Variants in DCC observed in about 807,000 individuals in gnomAD.
The protein encoded by DCC is netrin receptor DCC.
DCC carries 58 observed loss-of-function variants against 172.5 expected under a neutral mutation model. The ratio of observed to expected loss-of-function variants is 0.34; its 90% CI spans 0.27 to 0.42. The LOEUF (loss-of-function observed/expected upper bound fraction) is 0.42, where lower values mean the gene tolerates loss of function less well. Among genes scored for constraint, DCC ranks in the 10% least tolerant of loss-of-function variants. DCC has a pLI of 1.00. For missense variants in DCC, 1,740 were observed against 1,791.0 expected (o/e 0.97, Z 0.51); for synonymous variants, 709 against 644.5 (o/e 1.10, Z -1.52).
rs181518973 is a variant in DCC at position 53,131,876 on chromosome 18, T to C, written c.1262-25480T>C. On this transcript the variant is annotated intron_variant, in intron 7 of 28. Coordinates refer to ENST00000442544, the MANE Select transcript of DCC (RefSeq NM_005215.4). ...TGTCTTGGTCTTAAAAATAAATCGG[T>C]GCAAATCAAAATGGATGATTTAAAT... is the stretch of plus-strand genomic sequence containing the variant. Among the ~76,000 whole-genome samples the C allele has an allele frequency of 5.6e-3, 841 of 149,574 alleles. 6 individuals carry two copies. Among genetic ancestry groups the C allele is most frequent in the Admixed American group, 0.023 (341 of 14,866 alleles).
intron 5 of DCC, among the ~76,000 whole-genome samples, chr18:52,971,004 T>A (rs1045148946): frequency 3.9e-5 from 6 of 152,176 alleles, no homozygotes; most frequent in Non-Finnish European, 7.4e-5. Context: ...AATTATTAGC[T>A]AGGAATTGAT....
At chr18:52,441,917 C>G (rs1298900001) in intron 1 of DCC, among the ~76,000 whole-genome samples, 1 of 152,060 alleles carries the variant, frequency 6.6e-6, no homozygotes, top group Non-Finnish European at 1.5e-5. Context: ...CAGAATTCTG[C>G]CAGTGAAGGG....
chr18:53,428,747 T>TA (rs1359259288), intron 21 of DCC, among the ~76,000 whole-genome samples: 2 of 54,714 alleles, frequency 3.7e-5, no homozygotes, highest in South Asian at 6.1e-4. Flanking sequence ...ATACTATATA[T>TA]TTTATATATA....
At chr18:53,327,913 T>A (rs562717506) in intron 14 of DCC, among the ~76,000 whole-genome samples, 1 of 152,196 alleles carries the variant, frequency 6.6e-6, no homozygotes, top group Non-Finnish European at 1.5e-5. Context: ...TGATTTATGA[T>A]AATTGACAGA....
At chr18:53,492,327 G>A (rs1049905180) in intron 26 of DCC, among the ~76,000 whole-genome samples, 7 of 152,036 alleles carry the variant, frequency 4.6e-5, no homozygotes, top group African/African-American at 1.2e-4. Context: ...CCTTTTGTCA[G>A]TTTTGGCTTT....
intron 5 of DCC, among the ~76,000 whole-genome samples, chr18:52,928,524 G>A (rs889753371): frequency 2.6e-5 from 4 of 152,264 alleles, no homozygotes; most frequent in African/African-American, 9.6e-5. Flanking sequence ...ACACATGTAT[G>A]TAAAACATGT....
chr18:53,069,927 G>C (rs1300358201), intron 7 of DCC, among the ~76,000 whole-genome samples: 1 of 151,682 alleles, frequency 6.6e-6, no homozygotes, highest in African/African-American at 2.4e-5. Flanking sequence ...GGGTTGGGGG[G>C]GGTTGTTATT....
chr18:52,614,476 T>TAGTG (rs1466350596), intron 1 of DCC, among the ~76,000 whole-genome samples: 1 of 152,216 alleles, frequency 6.6e-6, no homozygotes, highest in Non-Finnish European at 1.5e-5. Flanking sequence ...ACAAAAGTAA[T>TAGTG]AGTGGTTTTT....
intron 5 of DCC, among the ~76,000 whole-genome samples, chr18:52,979,286 A>C (rs1012959485): frequency 6.6e-6 from 1 of 152,164 alleles, no homozygotes; most frequent in Non-Finnish European, 1.5e-5. Context: ...CAGTTTGACT[A>C]TCTCTTCCTG....
intron 5 of DCC, among the ~76,000 whole-genome samples, chr18:52,986,682 C>CA (rs932802177): frequency 1.2e-4 from 17 of 147,754 alleles, no homozygotes; most frequent in South Asian, 2.1e-4. Context: ...TAGAAGAAGG[C>CA]AAAAAAAAAT....
chr18:53,503,759 T>G (rs1289414958), intron 27 of DCC, among the ~76,000 whole-genome samples: 3 of 152,198 alleles, frequency 2.0e-5, no homozygotes, highest in Admixed American at 6.5e-5. Context: ...TCTTAAATAG[T>G]GACCTTTATA....
intron 15 of DCC, among the ~76,000 whole-genome samples, chr18:53,383,860 C>A (rs1332955872): frequency 6.6e-6 from 1 of 151,992 alleles, no homozygotes; most frequent in Non-Finnish European, 1.5e-5. Context: ...GATAGAATAT[C>A]TCATGTTTAC....
intron 1 of DCC, among the ~76,000 whole-genome samples, chr18:52,380,003 G>A (rs998556511): frequency 3.3e-5 from 5 of 152,128 alleles, no homozygotes; most frequent in African/African-American, 4.8e-5. Flanking sequence ...TGACTGGTGA[G>A]GGCCTATTCT....
intron 12 of DCC, among the ~76,000 whole-genome samples, chr18:53,241,781 G>A (rs944865976): frequency 6.6e-6 from 1 of 152,268 alleles, no homozygotes; most frequent in African/African-American, 2.4e-5. Context: ...CTGGTATGGG[G>A]AAGGCAGGTT....
intron 7 of DCC, among the ~76,000 whole-genome samples, chr18:53,150,227 T>C (rs1360248404): frequency 1.4e-4 from 21 of 152,250 alleles, no homozygotes; most frequent in Admixed American, 1.4e-3. Context: ...TTCTACTTTG[T>C]AATTTATCTG....
At chr18:52,685,285 T>C (rs1389532950) in intron 1 of DCC, among the ~76,000 whole-genome samples, 2 of 152,130 alleles carry the variant, frequency 1.3e-5, no homozygotes, top group South Asian at 2.1e-4. Context: ...ATATTTACAA[T>C]TCATAATTTT....
chr18:52,602,562 T>C (rs144915481), intron 1 of DCC, among the ~76,000 whole-genome samples: 101 of 152,188 alleles, frequency 6.6e-4, no homozygotes, highest in African/African-American at 2.3e-3. Context: ...ATTTTGTGCA[T>C]AATATAAACA....
At chr18:52,589,215 A>G (rs1032883858) in intron 1 of DCC, among the ~76,000 whole-genome samples, 3 of 152,238 alleles carry the variant, frequency 2.0e-5, no homozygotes, top group African/African-American at 7.2e-5. Flanking sequence ...CAGCTTGACA[A>G]AAGCAAATGT....
chr18:52,634,595 G>A (rs1455865967), intron 1 of DCC, among the ~76,000 whole-genome samples: 1 of 152,200 alleles, frequency 6.6e-6, no homozygotes, highest in South Asian at 2.1e-4. Flanking sequence ...TAAATACATT[G>A]GTGTTTCCTT....
Sources: allele counts gnomAD v4.1 joint callset (sites outside exome capture counted in the v4.1 genomes callset), GRCh38; gene constraint gnomAD v4.1.1; transcripts MANE v1.5; gene names NCBI Gene and HGNC (gene_info 2026-07-23, HGNC 2026-07-21).